Variants in EXD1 observed in about 807,000 individuals in gnomAD.
The protein encoded by EXD1 is piRNA biogenesis protein EXD1.
In EXD1, 63 loss-of-function variants were observed where a neutral mutation model predicts 49.1. The ratio of observed to expected loss-of-function variants is 1.28; its 90% CI spans 1.05 to 1.58. EXD1 has a LOEUF of 1.58. Among genes scored for constraint, EXD1 ranks in the 40% most tolerant of loss-of-function variants. The probability of loss-of-function intolerance (pLI) is 0.00; values close to 1 mark genes in which losing one functional copy is unlikely to be tolerated. For synonymous variants in EXD1, 234 were observed against 239.2 expected (o/e 0.98, Z 0.20); for missense variants, 748 against 666.0 (o/e 1.12, Z -1.36).
Position 41,230,497 on chromosome 15 carries a change from T to C in EXD1, c.-72A>G. ...GGCGGACCATAAGCTAGGAATTCACTGTCCTCCATCGTTAGGGCTTTTTCC... is the reference window on the plus strand; with the variant it reads ...GGCGGACCATAAGCTAGGAATTCACCGTCCTCCATCGTTAGGGCTTTTTCC... On this transcript the variant is annotated 5_prime_UTR_variant, in exon 1 of 12. Transcript: ENST00000458580. 3 of 1,614,134 alleles carry C rather than the reference T, an allele frequency of 1.9e-6. No individual in the cohort carries two copies. The highest frequency in any genetic ancestry group is 1.7e-6 in the Non-Finnish European group (2 of 1,179,936).
At chr15:41,219,792 C>T (rs1430327386) in intron 3 of EXD1, 38 bp downstream of exon 3, 1 of 1,453,052 alleles carries the variant, frequency 6.9e-7, no homozygotes, top group South Asian at 1.2e-5. Flanking sequence ...GGAATGAAAT[C>T]TCAGTACTAG....
chr15:41,217,633 TGATACTC>T (rs1423998520), intron 3 of EXD1, among the ~76,000 whole-genome samples: 1 of 148,668 alleles, frequency 6.7e-6, no homozygotes, highest in Non-Finnish European at 1.5e-5. Flanking sequence ...CAGGTTCAGG[TGATACTC>T]CTGCCTCAGC....
chr15:41,226,607 A>G lies in EXD1; in HGVS notation c.-32T>C, dbSNP rs2047168129. ...TGATTCCAAAAGCCGTCTTCAAATAATCTTCTTTAAGCATCCAAACACTTG... is the reference window on the plus strand; with the variant it reads ...TGATTCCAAAAGCCGTCTTCAAATAGTCTTCTTTAAGCATCCAAACACTTG... On this transcript the variant is annotated 5_prime_UTR_variant, in exon 2 of 12. Transcript: ENST00000458580. 3.9e-6 allele frequency: 6 copies of G among 1,526,632 alleles called. No homozygotes were observed. Among genetic ancestry groups the G allele is most frequent in the Non-Finnish European group, 5.3e-6 (6 of 1,142,144 alleles). 94.6% of individuals were successfully genotyped at this position (1,526,632 alleles called of 1,614,324 possible). A position where few individuals can be genotyped will look rare whatever the true frequency, so the allele number is the denominator to read the frequency against.
At chr15:41,195,211 A>C (rs951844538) in intron 9 of EXD1, among the ~76,000 whole-genome samples, 1 of 150,148 alleles carries the variant, frequency 6.7e-6, no homozygotes, top group Non-Finnish European at 1.5e-5. Context: ...ACACAGTAAG[A>C]CTCCACTTCT....
At chr15:41,191,376 C>T in intron 10 of EXD1, 66 bp downstream of exon 10, 1 of 1,438,720 alleles carries the variant, frequency 7.0e-7, no homozygotes. Flanking sequence ...ACATAACAGG[C>T]TGATAATACT....
intron 2 of EXD1, among the ~76,000 whole-genome samples, chr15:41,221,886 G>A (rs926555566): frequency 6.6e-6 from 1 of 151,828 alleles, no homozygotes; most frequent in African/African-American, 2.4e-5. Context: ...TGGATCATGA[G>A]GTCAGGAGTT....
At chr15:41,198,735 C>T (rs1225323801) in intron 7 of EXD1, among the ~76,000 whole-genome samples, 2 of 150,648 alleles carry the variant, frequency 1.3e-5, no homozygotes, top group African/African-American at 2.4e-5. Flanking sequence ...GACAGAGTTT[C>T]GTTCTTGTTG....
chr15:41,225,314 G>C (rs2047144733), intron 2 of EXD1, among the ~76,000 whole-genome samples: 1 of 152,210 alleles, frequency 6.6e-6, no homozygotes, highest in Non-Finnish European at 1.5e-5. Context: ...GGCCAGCATA[G>C]TGGCTCAAGC....
At chr15:41,192,794 T>C (rs925116262) in intron 9 of EXD1, among the ~76,000 whole-genome samples, 44 of 123,558 alleles carry the variant, frequency 3.6e-4, no homozygotes, top group Non-Finnish European at 6.9e-4. Flanking sequence ...CTTAAGATTT[T>C]TTTTTTTTTT....
chr15:41,197,579 T>C (rs866574672), intron 7 of EXD1, among the ~76,000 whole-genome samples: 49 of 151,680 alleles, frequency 3.2e-4, no homozygotes, highest in Middle Eastern at 6.8e-3. Flanking sequence ...TGTTCTTAAG[T>C]AAAAAAAGTA....
At chr15:41,217,617 G>A (rs376439453) in intron 3 of EXD1, among the ~76,000 whole-genome samples, 10 of 141,166 alleles carry the variant, frequency 7.1e-5, no homozygotes, top group Admixed American at 4.5e-4. Flanking sequence ...TGTAACCTCC[G>A]CCTCCCAGGT....
chr15:41,211,795 T>TAA (rs57945609), intron 6 of EXD1, among the ~76,000 whole-genome samples: 14 of 119,626 alleles, frequency 1.2e-4, no homozygotes, highest in Admixed American at 1.7e-4. Flanking sequence ...CCTCATTTCT[T>TAA]AAAAAAAAAA....
At chr15:41,193,211 C>A (rs1208867319) in intron 9 of EXD1, among the ~76,000 whole-genome samples, 1 of 152,150 alleles carries the variant, frequency 6.6e-6, no homozygotes, top group Non-Finnish European at 1.5e-5. Flanking sequence ...AGCCACTGCA[C>A]CTAATGTTTT....
intron 7 of EXD1, among the ~76,000 whole-genome samples, chr15:41,197,579 TA>T (rs998288148): frequency 2.6e-5 from 4 of 151,562 alleles, no homozygotes; most frequent in Non-Finnish European, 5.9e-5. Context: ...TGTTCTTAAG[TA>T]AAAAAAGTAA....
intron 9 of EXD1, among the ~76,000 whole-genome samples, chr15:41,193,031 G>A (rs1425181523): frequency 2.6e-5 from 4 of 151,990 alleles, no homozygotes; most frequent in African/African-American, 9.6e-5. Context: ...TGATCCGTCC[G>A]CCTCGCCCTC....
chr15:41,185,027 C>T (rs1478192545), intron 11 of EXD1, among the ~76,000 whole-genome samples: 3 of 152,088 alleles, frequency 2.0e-5, no homozygotes, highest in African/African-American at 7.2e-5. Flanking sequence ...ATATAGCACC[C>T]TCTGGTGTCT....
intron 1 of EXD1, 138 bp from the exon 2 acceptor site, chr15:41,226,766 A>G: frequency 1.4e-6 from 1 of 717,468 alleles, no homozygotes; most frequent in South Asian, 2.8e-5. Context: ...GAATGATGAG[A>G]AAAGGATCAT....
At chr15:41,197,941 T>C (rs2046642077) in intron 7 of EXD1, among the ~76,000 whole-genome samples, 1 of 151,854 alleles carries the variant, frequency 6.6e-6, no homozygotes, top group Non-Finnish European at 1.5e-5. Flanking sequence ...GGAGAATCGC[T>C]TGAACCCTGG....
At chr15:41,228,833 G>A (rs192439528) in intron 1 of EXD1, among the ~76,000 whole-genome samples, 1 of 151,734 alleles carries the variant, frequency 6.6e-6, no homozygotes, top group East Asian at 1.9e-4. Flanking sequence ...CCCAAGAAAG[G>A]AAAGTTTGTG....
Sources: allele counts gnomAD v4.1 joint callset (sites outside exome capture counted in the v4.1 genomes callset), GRCh38; gene constraint gnomAD v4.1.1; transcripts MANE v1.5; gene names NCBI Gene and HGNC (gene_info 2026-07-23, HGNC 2026-07-21).